The following NCALD variants were observed in gnomAD, a reference collection of about 807,000 sequenced individuals.
The protein encoded by NCALD is neurocalcin-delta.
In NCALD, 10 loss-of-function variants were observed where a neutral mutation model predicts 18.6. The ratio of observed to expected loss-of-function variants is 0.54; its 90% CI spans 0.33 to 0.91. NCALD has a LOEUF of 0.91. NCALD is among the 40% of genes least tolerant of loss of function. NCALD has a pLI of 0.03. For synonymous variants in NCALD, 88 were observed against 87.4 expected, an observed-to-expected ratio of 1.01 and a Z score of -0.04; for missense variants, 184 against 247.6, an observed-to-expected ratio of 0.74 and a Z score of 1.72.
At chr8:101,913,792 G>C (rs557353885) in intron 3 of NCALD, among the ~76,000 whole-genome samples, 1 of 152,298 alleles carries the variant, frequency 6.6e-6, no homozygotes, top group South Asian at 2.1e-4. Flanking sequence ...ATGTTGGCCA[G>C]GCTGGTCTCA....
intron 3 of NCALD, among the ~76,000 whole-genome samples, chr8:101,897,347 C>G (rs1478889088): frequency 7.2e-6 from 1 of 139,502 alleles, no homozygotes; most frequent in African/African-American, 2.7e-5. Context: ...AGCGGAATAT[C>G]ACACTCTGGG....
chr8:101,746,163 CAG>C (rs770884244), intron 1 of NCALD, among the ~76,000 whole-genome samples: 5 of 152,178 alleles, frequency 3.3e-5, no homozygotes, highest in Non-Finnish European at 4.4e-5. Flanking sequence ...AGCCAGAATT[CAG>C]GCCTCCAGTG....
rs1398451582 is a variant in NCALD at position 101,872,315 on chromosome 8, G to C, written c.-20+14826C>G. ...AGTTTAATTGCTTTCCCCTCAGCGA[G>C]TCTCTGCCATCTGTACATTTCAATA... On this transcript the variant is annotated intron_variant, in intron 4 of 6. Transcript: ENST00000311028. 3 of 1,391,190 alleles carry C rather than the reference G, an allele frequency of 2.2e-6. No individual in the cohort carries two copies. In the African/African-American group the frequency reaches 4.3e-5, roughly 20 times the overall value. 86.2% of individuals were successfully genotyped at this position (1,391,190 alleles called of 1,614,324 possible).
chr8:102,011,153 C>T (rs1388629891), intron 2 of NCALD, among the ~76,000 whole-genome samples: 1 of 152,096 alleles, frequency 6.6e-6, no homozygotes, highest in Non-Finnish European at 1.5e-5. Flanking sequence ...TGACTTCTAC[C>T]CATCCACCAT....
chr8:101,922,272 G>A (rs578012616), intron 2 of NCALD, among the ~76,000 whole-genome samples: 1 of 152,080 alleles, frequency 6.6e-6, no homozygotes, highest in South Asian at 2.1e-4. Flanking sequence ...ATAGAACCCT[G>A]ACAGATTTCT....
chr8:102,110,553 T>G (rs912188003), intron 1 of NCALD, among the ~76,000 whole-genome samples: 7 of 152,190 alleles, frequency 4.6e-5, no homozygotes, highest in Admixed American at 1.3e-4. Context: ...TGCTACCTAC[T>G]AGGCTGGGCA....
At chr8:102,108,816 C>G (rs1317192356) in intron 1 of NCALD, among the ~76,000 whole-genome samples, 3 of 152,104 alleles carry the variant, frequency 2.0e-5, no homozygotes, top group Admixed American at 2.0e-4. Context: ...ATCAAAGTAG[C>G]TAACCAAGAT....
At chr8:102,089,391 C>T (rs1824849466) in intron 1 of NCALD, among the ~76,000 whole-genome samples, 1 of 145,312 alleles carries the variant, frequency 6.9e-6, no homozygotes, top group Non-Finnish European at 1.5e-5. Flanking sequence ...AAGACTTAGT[C>T]TCAAAGGAAA....
intron 2 of NCALD, among the ~76,000 whole-genome samples, chr8:101,990,495 G>A (rs1820997739): frequency 6.6e-6 from 1 of 152,220 alleles, no homozygotes; most frequent in African/African-American, 2.4e-5. Flanking sequence ...ATTCTCATGT[G>A]TTGTCGGGGG....
rs116081000 is a variant in NCALD at position 102,006,439 on chromosome 8, A to G, written c.-157+13798T>C. 6.2e-3 allele frequency among the ~76,000 whole-genome samples: 947 copies of G among 152,322 alleles called. 9 individuals carry two copies. Among genetic ancestry groups the G allele is most frequent in the African/African-American group, 0.018 (743 of 41,576 alleles). ...TCTCTTCTGCATTCTACTTTAAAAC[A>G]AATTCTGGTTATTGTCACTTCATCT... On this transcript the variant is annotated intron_variant, in intron 2 of 6. Transcript: ENST00000311028.
At chr8:101,696,414 G>A (rs979254255) in intron 2 of NCALD, among the ~76,000 whole-genome samples, 28 of 152,158 alleles carry the variant, frequency 1.8e-4, no homozygotes, top group Non-Finnish European at 1.3e-4. Context: ...TGCCAGGAGG[G>A]TTAGGGTAGG....
chr8:102,049,959 G>A (rs1307269639), intron 1 of NCALD, among the ~76,000 whole-genome samples: 2 of 150,248 alleles, frequency 1.3e-5, no homozygotes, highest in Non-Finnish European at 3.0e-5. Flanking sequence ...TCAGGAGATC[G>A]AGACCATCCT....
intron 4 of NCALD, among the ~76,000 whole-genome samples, chr8:101,849,260 A>G (rs934250500): frequency 2.0e-5 from 3 of 152,150 alleles, no homozygotes; most frequent in Admixed American, 6.6e-5. Context: ...TGGGCTTAAT[A>G]CATAGGTGAT....
chr8:101,863,036 A>C (rs1275381494), intron 4 of NCALD, among the ~76,000 whole-genome samples: 1 of 152,200 alleles, frequency 6.6e-6, no homozygotes, highest in Non-Finnish European at 1.5e-5. Flanking sequence ...CCTGAGGTTA[A>C]ATAAATTATA....
intron 4 of NCALD, among the ~76,000 whole-genome samples, chr8:101,816,418 C>G (rs1813498276): frequency 6.6e-6 from 1 of 152,126 alleles, no homozygotes; most frequent in Non-Finnish European, 1.5e-5. Flanking sequence ...TGGAAGAATT[C>G]TATACAAACA....
At chr8:102,013,990 G>A (rs2132075607) in intron 2 of NCALD, among the ~76,000 whole-genome samples, 1 of 152,322 alleles carries the variant, frequency 6.6e-6, no homozygotes, top group South Asian at 2.1e-4. Flanking sequence ...GCTTGTCAGA[G>A]GAATGGGTCC....
chr8:102,108,228 G>A lies in NCALD; in HGVS notation c.-210+16009C>T, dbSNP rs1487570782. 2.0e-5 allele frequency among the ~76,000 whole-genome samples: 3 copies of A among 152,198 alleles called. No individual in the cohort carries two copies. The East Asian group carries it at 5.8e-4, about 29-fold the overall frequency. On this transcript the variant is annotated intron_variant, in intron 1 of 6. Coordinates refer to the NCALD transcript ENST00000311028. ...CAAAAGTAAATAGTTACACAGCACA[G>A]TTTGGCATACACAAAAACACACATC...
chr8:101,876,905 G>A (rs184919266), intron 4 of NCALD, among the ~76,000 whole-genome samples: 31 of 152,234 alleles, frequency 2.0e-4, no homozygotes, highest in African/African-American at 2.9e-4. Context: ...CTCAGCAACC[G>A]ATGACTTCCA....
intron 3 of NCALD, among the ~76,000 whole-genome samples, chr8:101,896,372 G>C (rs1490640924): frequency 2.6e-5 from 4 of 151,996 alleles, no homozygotes; most frequent in Non-Finnish European, 5.9e-5. Flanking sequence ...ATTCAAGATG[G>C]ATTAAAGATT....
Sources: gnomAD v4.1 joint callset for allele counts (sites outside exome capture counted in the v4.1 genomes callset) on GRCh38, gnomAD v4.1.1 for gene constraint, MANE v1.5 for transcripts, NCBI Gene and HGNC (gene_info 2026-07-23, HGNC 2026-07-21) for gene names.